APBA1: variants seen among roughly 807,000 people sequenced by gnomAD.
APBA1 encodes the protein amyloid-beta A4 precursor protein-binding family A member 1.
A neutral mutation model predicts 86.6 loss-of-function variants in APBA1; 55 were observed. The observed-to-expected ratio is 0.64, with a 90% CI of 0.51 to 0.80. APBA1 has a LOEUF of 0.80. APBA1 is among the 30% of genes least tolerant of loss of function. The probability of loss-of-function intolerance (pLI) is 0.00; values close to 1 mark genes in which losing one functional copy is unlikely to be tolerated. For synonymous variants in APBA1, 511 were observed against 493.9 expected, an observed-to-expected ratio of 1.03 and a Z score of -0.46; for missense variants, 1,090 against 1,183.0, an observed-to-expected ratio of 0.92 and a Z score of 1.15.
At chr9:69,657,568 T>C (rs772561225) in intron 1 of APBA1, among the ~76,000 whole-genome samples, 36 of 152,244 alleles carry the variant, frequency 2.4e-4, no homozygotes, top group Non-Finnish European at 3.1e-4. Context: ...ATCCAACTAA[T>C]GATTACAACA....
intron 1 of APBA1, among the ~76,000 whole-genome samples, chr9:69,669,257 C>T (rs1823900159): frequency 6.6e-6 from 1 of 152,150 alleles, no homozygotes; most frequent in Non-Finnish European, 1.5e-5. Flanking sequence ...GGATAAAAGT[C>T]CTATCTCCCC....
At chr9:69,498,345 G>C (rs1237179082) in intron 2 of APBA1, among the ~76,000 whole-genome samples, 1 of 152,116 alleles carries the variant, frequency 6.6e-6, no homozygotes, top group Non-Finnish European at 1.5e-5. Context: ...CCACAAGCAT[G>C]TGAGCTTGAG....
chr9:69,667,697 T>C (rs950282220), intron 1 of APBA1, among the ~76,000 whole-genome samples: 2 of 151,732 alleles, frequency 1.3e-5, no homozygotes, highest in South Asian at 2.1e-4. Context: ...AGTCTTCCTA[T>C]ACTAAAAATA....
At chr9:69,466,022 A>G (rs1481155661) in intron 5 of APBA1, among the ~76,000 whole-genome samples, 1 of 152,178 alleles carries the variant, frequency 6.6e-6, no homozygotes, top group Non-Finnish European at 1.5e-5. Context: ...GCAGTTGCAA[A>G]TCACTCCTCC....
At chr9:69,452,741 C>T (rs1014591910) in intron 8 of APBA1, among the ~76,000 whole-genome samples, 1 of 152,166 alleles carries the variant, frequency 6.6e-6, no homozygotes, top group Non-Finnish European at 1.5e-5. Flanking sequence ...TAATACACAT[C>T]GAACATTTCA....
intron 8 of APBA1, among the ~76,000 whole-genome samples, chr9:69,452,554 A>C (rs1588292268): frequency 1.3e-5 from 2 of 152,358 alleles, no homozygotes; most frequent in South Asian, 2.1e-4. Flanking sequence ...GGAGTCAGAG[A>C]TGCTGAATAT....
Position 69,555,205 on chromosome 9 carries a change from G to A in APBA1, c.-69-37926C>T, listed in dbSNP as rs139194304. ...TTTGTGCAATCATTTTTCAATGCAT[G>A]GGAGGAAACAAGCTATAGCATTGGG... On this transcript the variant is annotated intron_variant, in intron 1 of 12. Transcript: ENST00000265381. 1.6e-4 allele frequency among the ~76,000 whole-genome samples: 25 copies of A among 152,214 alleles called. No homozygotes were observed. The East Asian group carries it at 4.1e-3, about 25-fold the overall frequency.
rs1269602988 is a variant in APBA1 at position 69,434,508 on chromosome 9, A to T, written c.2302-1832T>A. Among the ~76,000 whole-genome samples, 4 of 152,130 alleles carry T rather than the reference A, an allele frequency of 2.6e-5. No homozygotes were observed. The East Asian group carries it at 7.7e-4, about 29-fold the overall frequency. On this transcript the variant is annotated intron_variant, in intron 11 of 12. Coordinates refer to ENST00000265381, the MANE Select transcript of APBA1 (RefSeq NM_001163.4). ...TGGATCACAAGGTCAGGAGTTCAAG[A>T]CCGGCCTGGCCAGTATGGTGAAACC...
chr9:69,569,824 T>TA (rs1188566847), intron 1 of APBA1, among the ~76,000 whole-genome samples: 1 of 152,070 alleles, frequency 6.6e-6, no homozygotes, highest in Non-Finnish European at 1.5e-5. Context: ...AAAAACTTGC[T>TA]AGAGTTTTTT....
chr9:69,453,195 T>C (rs1835041579), intron 8 of APBA1, among the ~76,000 whole-genome samples: 1 of 152,240 alleles, frequency 6.6e-6, no homozygotes, highest in Non-Finnish European at 1.5e-5. Context: ...CTGTGAAAGA[T>C]TTTTCAATAG....
chr9:69,435,152 C>T (rs1175424750), intron 11 of APBA1, among the ~76,000 whole-genome samples: 2 of 151,940 alleles, frequency 1.3e-5, no homozygotes, highest in East Asian at 3.9e-4. Context: ...GCATAGTATT[C>T]CATGGTGTAT....
At chr9:69,620,201 T>C (rs1822788300) in intron 1 of APBA1, among the ~76,000 whole-genome samples, 1 of 152,244 alleles carries the variant, frequency 6.6e-6, no homozygotes, top group Non-Finnish European at 1.5e-5. Flanking sequence ...TCGTTTTCTT[T>C]TTTTAATTCT....
At chr9:69,657,187 T>C (rs1823630469) in intron 1 of APBA1, among the ~76,000 whole-genome samples, 1 of 152,128 alleles carries the variant, frequency 6.6e-6, no homozygotes, top group Non-Finnish European at 1.5e-5. Flanking sequence ...TTTATTCCCA[T>C]GGGGAAGAGA....
intron 1 of APBA1, among the ~76,000 whole-genome samples, chr9:69,524,426 T>C (rs1286010489): frequency 6.6e-6 from 1 of 151,886 alleles, no homozygotes; most frequent in African/African-American, 2.4e-5. Flanking sequence ...AGAAATACAA[T>C]AGATACTCAC....
At chr9:69,484,842 T>C (rs1835580732) in intron 2 of APBA1, among the ~76,000 whole-genome samples, 1 of 152,150 alleles carries the variant, frequency 6.6e-6, no homozygotes, top group African/African-American at 2.4e-5. Context: ...TTTTCCAGCT[T>C]GCATAGGAAG....
intron 1 of APBA1, among the ~76,000 whole-genome samples, chr9:69,667,777 T>G (rs1460100912): frequency 6.6e-6 from 1 of 152,012 alleles, no homozygotes; most frequent in Non-Finnish European, 1.5e-5. Context: ...ATCTCCCAAC[T>G]TATTGAAAAT....
Position 69,660,613 on chromosome 9 carries a change from A to G in APBA1, c.-70+11540T>C, listed in dbSNP as rs539110562. On this transcript the variant is annotated intron_variant, in intron 1 of 12. Transcript: ENST00000265381. ...TAAGGCAAGAATCTCAAAGCCTTAT[A>G]TTTAATCACAAAATCTTAACTCAAT... Among the ~76,000 whole-genome samples, 7 of 152,364 alleles carry G rather than the reference A, an allele frequency of 4.6e-5. No individual in the cohort carries two copies. In the South Asian group the frequency reaches 1.4e-3, roughly 32 times the overall value.
rs1284734460 is a variant in APBA1 at position 69,636,890 on chromosome 9, AGAAG to A, written c.-70+35259_-70+35262del. Among the ~76,000 whole-genome samples the A allele has an allele frequency of 6.1e-3, 143 of 23,536 alleles. 1 individual carries two copies. Among genetic ancestry groups the A allele is most frequent in the African/African-American group, 0.016 (129 of 8,172 alleles). The allele number at this position is 23,536 out of a possible 152,430, so 15.4% of individuals were successfully genotyped here. ...GAGAGAGAAAGAAAGAAGGAAGGAA[AGAAG>A]GAAGGAAGGAAGGAAGGAAGGAAGG... On this transcript the variant is annotated intron_variant, in intron 1 of 12. Transcript: ENST00000265381.
chr9:69,454,355 G>C (rs540638592), intron 8 of APBA1, among the ~76,000 whole-genome samples: 1 of 152,172 alleles, frequency 6.6e-6, no homozygotes, highest in Non-Finnish European at 1.5e-5. Context: ...GTGACCAGTC[G>C]ACTTCCTGAT....
Sources: allele counts gnomAD v4.1 joint callset (sites outside exome capture counted in the v4.1 genomes callset), GRCh38; gene constraint gnomAD v4.1.1; transcripts MANE v1.5; gene names NCBI Gene and HGNC (gene_info 2026-07-23, HGNC 2026-07-21).